Variants in LINGO2 observed in about 807,000 individuals in gnomAD.
LINGO2 encodes leucine-rich repeat and immunoglobulin-like domain-containing nogo receptor-interacting protein 2.
Under a neutral mutation model 30.6 loss-of-function variants are expected in LINGO2, and 14 were observed. That is an observed-to-expected ratio of 0.46 (90% CI 0.30 to 0.72). The LOEUF is 0.72. Among genes scored for constraint, LINGO2 ranks in the 30% least tolerant of loss-of-function variants. LINGO2 has a pLI of 0.07. For missense variants in LINGO2, 729 were observed against 751.7 expected (o/e 0.97, Z 0.35); for synonymous variants, 317 against 288.5 (o/e 1.10, Z -1.00).
the LINGO2 span, among the ~76,000 whole-genome samples, chr9:29,171,370 T>C: frequency 6.6e-6 from 1 of 152,076 alleles, no homozygotes; most frequent in Non-Finnish European, 1.5e-5. Context: ...ACATTTAAAG[T>C]CTTAGAACTT....
intron 4 of LINGO2, among the ~76,000 whole-genome samples, chr9:28,047,658 T>C (rs553072859): frequency 6.6e-6 from 1 of 150,888 alleles, no homozygotes; most frequent in South Asian, 2.1e-4. Context: ...GTAGCTACCT[T>C]GTGGGAGGTC....
At chr9:28,305,716 C>T (rs1280111579) in intron 3 of LINGO2, among the ~76,000 whole-genome samples, 2 of 151,704 alleles carry the variant, frequency 1.3e-5, no homozygotes, top group Non-Finnish European at 2.9e-5. Flanking sequence ...AATTAGAATC[C>T]GTATGTAATT....
intron 4 of LINGO2, among the ~76,000 whole-genome samples, chr9:28,146,412 A>G (rs539325261): frequency 6.6e-6 from 1 of 152,352 alleles, no homozygotes; most frequent in African/African-American, 2.4e-5. Flanking sequence ...TAATCTAGCA[A>G]AAGACAGAGA....
the LINGO2 span, among the ~76,000 whole-genome samples, chr9:28,897,325 C>T: frequency 3.3e-5 from 5 of 152,030 alleles, no homozygotes; most frequent in Admixed American, 3.3e-4. Flanking sequence ...AGAGACAATC[C>T]TAAGTTTATA....
In LINGO2 at chr9:28,407,990, G is replaced by C. The variant is rs557275330; in HGVS notation, c.-278-35122C>G. On this transcript the variant is annotated intron_variant, in intron 2 of 5. Transcript: ENST00000379992. ...CAAAGTAACTCATGGAGTAGTAAGA[G>C]TACAGCGAGAGGGAGGGAGGGAGAG... Among the ~76,000 whole-genome samples, 9 of 152,068 alleles carry C rather than the reference G, an allele frequency of 5.9e-5. No homozygotes were observed. In the East Asian group the frequency reaches 1.7e-3, roughly 30 times the overall value.
chr9:28,983,870 A>T, the LINGO2 span, among the ~76,000 whole-genome samples: 1 of 152,030 alleles, frequency 6.6e-6, no homozygotes, highest in East Asian at 1.9e-4. Flanking sequence ...AATGCTGATT[A>T]AAAAGATAGC....
chr9:28,699,971 C>T, the LINGO2 span, among the ~76,000 whole-genome samples: 2 of 152,054 alleles, frequency 1.3e-5, no homozygotes, highest in Admixed American at 1.3e-4. Context: ...AATATAGACC[C>T]TTATCAGGAG....
At chr9:28,044,342 T>A (rs1824320713) in intron 4 of LINGO2, among the ~76,000 whole-genome samples, 1 of 152,308 alleles carries the variant, frequency 6.6e-6, no homozygotes, top group East Asian at 1.9e-4. Context: ...TCAAATTTTT[T>A]AATGAACGTA....
chr9:28,068,559 T>C (rs937172316), intron 4 of LINGO2, among the ~76,000 whole-genome samples: 11 of 152,342 alleles, frequency 7.2e-5, no homozygotes, highest in African/African-American at 2.4e-4. Flanking sequence ...ATTCATTCAT[T>C]TATTCATTCA....
chr9:28,653,750 ATTG>A (rs1828214864), intron 1 of LINGO2, among the ~76,000 whole-genome samples: 1 of 151,996 alleles, frequency 6.6e-6, no homozygotes, highest in South Asian at 2.1e-4. Flanking sequence ...ACTGTACGGG[ATTG>A]TTTTTTGCTG....
chr9:28,552,934 T>G (rs561556781), intron 1 of LINGO2, among the ~76,000 whole-genome samples: 38 of 152,098 alleles, frequency 2.5e-4, no homozygotes, highest in Non-Finnish European at 5.0e-4. Context: ...GAACCTTTTC[T>G]CACATCTTTG....
chr9:28,765,030 T>C, the LINGO2 span, among the ~76,000 whole-genome samples: 1 of 151,982 alleles, frequency 6.6e-6, no homozygotes, highest in East Asian at 1.9e-4. Flanking sequence ...CCCTTGTTTA[T>C]GGATTGGGAA....
At chr9:29,204,329 A>G in the LINGO2 span, among the ~76,000 whole-genome samples, 7 of 152,220 alleles carry the variant, frequency 4.6e-5, no homozygotes, top group East Asian at 7.7e-4. Context: ...CTGTCATTCA[A>G]CTTCATTTCT....
At chr9:28,632,724 ATATAGATCTATATATT>A in intron 1 of LINGO2, among the ~76,000 whole-genome samples, 1 of 138,744 alleles carries the variant, frequency 7.2e-6, no homozygotes, top group Non-Finnish European at 1.5e-5. Flanking sequence ...ATAGATCTAT[ATATAGATCTATATATT>A]TATATATAGA....
chr9:28,193,139 T>G (rs1270883380), intron 4 of LINGO2, among the ~76,000 whole-genome samples: 2 of 152,018 alleles, frequency 1.3e-5, no homozygotes, highest in African/African-American at 2.4e-5. Context: ...GTTCAAATGA[T>G]TTCTGAATTT....
the LINGO2 span, among the ~76,000 whole-genome samples, chr9:28,790,415 G>A: frequency 4.3e-5 from 6 of 138,406 alleles, no homozygotes; most frequent in Non-Finnish European, 9.2e-5. Flanking sequence ...TGAAAGCTCC[G>A]CCTCCCGGGT....
the LINGO2 span, among the ~76,000 whole-genome samples, chr9:29,111,134 T>TA: frequency 6.6e-6 from 1 of 152,188 alleles, no homozygotes; most frequent in East Asian, 1.9e-4. Context: ...GATCCTTTTT[T>TA]AAAAAATCAC....
intron 4 of LINGO2, among the ~76,000 whole-genome samples, chr9:28,093,340 G>T (rs897244311): frequency 6.6e-6 from 1 of 152,056 alleles, no homozygotes; most frequent in Non-Finnish European, 1.5e-5. Flanking sequence ...CTGACAAGGA[G>T]CAAAGGTTTC....
intron 4 of LINGO2, among the ~76,000 whole-genome samples, chr9:28,021,599 C>T (rs1587706829): frequency 6.6e-6 from 1 of 152,126 alleles, no homozygotes; most frequent in South Asian, 2.1e-4. Context: ...GTTAAAGTTT[C>T]CAACAATAAT....
Sources: gnomAD v4.1 joint callset for allele counts (sites outside exome capture counted in the v4.1 genomes callset) on GRCh38, gnomAD v4.1.1 for gene constraint, MANE v1.5 for transcripts, NCBI Gene and HGNC (gene_info 2026-07-23, HGNC 2026-07-21) for gene names.